The following PTPRT variants were observed in gnomAD, a reference collection of about 807,000 sequenced individuals.
PTPRT encodes the protein receptor-type tyrosine-protein phosphatase T.
In PTPRT, 56 loss-of-function variants were observed where a neutral mutation model predicts 176.8. That is an observed-to-expected ratio of 0.32 (90% CI 0.26 to 0.40). The LOEUF is 0.40. Among genes scored for constraint, PTPRT ranks in the 10% least tolerant of loss-of-function variants. PTPRT has a pLI of 1.00. For synonymous variants in PTPRT, 783 were observed against 739.0 expected (o/e 1.06, Z -0.96); for missense variants, 1,540 against 1,908.2 (o/e 0.81, Z 3.60).
intron 7 of PTPRT, among the ~76,000 whole-genome samples, chr20:42,659,631 G>A (rs868741463): frequency 2.4e-4 from 36 of 152,104 alleles, no homozygotes; most frequent in African/African-American, 7.5e-4. Flanking sequence ...GGGTGGGTGC[G>A]GGGAAAGTCA....
chr20:42,539,457 A>G (rs2072538867), intron 7 of PTPRT, among the ~76,000 whole-genome samples: 1 of 151,812 alleles, frequency 6.6e-6, no homozygotes, highest in African/African-American at 2.4e-5. Context: ...GCTTAAATAA[A>G]TGATCAATTT....
chr20:42,993,889 A>G (rs1021323190), intron 1 of PTPRT, among the ~76,000 whole-genome samples: 19 of 152,206 alleles, frequency 1.2e-4, no homozygotes, highest in African/African-American at 4.1e-4. Flanking sequence ...TATGCGAGTA[A>G]GCCCTGTTGA....
At chr20:42,459,851 C>T (rs2070988364) in intron 8 of PTPRT, among the ~76,000 whole-genome samples, 1 of 149,518 alleles carries the variant, frequency 6.7e-6, no homozygotes, top group Non-Finnish European at 1.5e-5. Flanking sequence ...CCACCACACC[C>T]AGCAATTCAC....
chr20:42,999,810 A>G (rs769310966), intron 1 of PTPRT, among the ~76,000 whole-genome samples: 2 of 152,044 alleles, frequency 1.3e-5, no homozygotes, highest in African/African-American at 2.4e-5. Context: ...CTGACTCTAA[A>G]TAAATAAAAA....
At chr20:43,108,414 T>C (rs1426508155) in intron 1 of PTPRT, among the ~76,000 whole-genome samples, 1 of 152,162 alleles carries the variant, frequency 6.6e-6, no homozygotes, top group Non-Finnish European at 1.5e-5. Context: ...TATCCTTCCA[T>C]ATTCTCATCA....
intron 6 of PTPRT, among the ~76,000 whole-genome samples, chr20:42,689,496 G>A (rs570794689): frequency 6.6e-6 from 1 of 152,208 alleles, no homozygotes; most frequent in African/African-American, 2.4e-5. Context: ...TGGTACAGTG[G>A]GCAACTGAAG....
chr20:42,347,533 A>T (rs1178452317), intron 11 of PTPRT, among the ~76,000 whole-genome samples: 1 of 152,188 alleles, frequency 6.6e-6, no homozygotes, highest in African/African-American at 2.4e-5. Flanking sequence ...AGCCGAGCAC[A>T]CCAGATGCAC....
chr20:42,174,987 A>G (rs1990230562), intron 16 of PTPRT, among the ~76,000 whole-genome samples: 1 of 152,118 alleles, frequency 6.6e-6, no homozygotes, highest in East Asian at 1.9e-4. Context: ...AAGAAGAGAT[A>G]GTCATTTCTC....
intron 2 of PTPRT, among the ~76,000 whole-genome samples, chr20:42,809,733 T>C (rs2077668166): frequency 1.3e-5 from 2 of 152,180 alleles, no homozygotes; most frequent in African/African-American, 4.8e-5. Context: ...ATGCCTCGCA[T>C]TTCAAATCTC....
chr20:43,173,203 G>A (rs1352861255), intron 1 of PTPRT, among the ~76,000 whole-genome samples: 1 of 152,162 alleles, frequency 6.6e-6, no homozygotes, highest in Non-Finnish European at 1.5e-5. Context: ...CATAAGGAAG[G>A]AAGATTCAGC....
chr20:42,498,423 A>G (rs560430233), intron 7 of PTPRT, among the ~76,000 whole-genome samples: 31 of 152,290 alleles, frequency 2.0e-4, no homozygotes, highest in Middle Eastern at 3.4e-3. Flanking sequence ...CTCTGTAGCA[A>G]TAAGACACCA....
intron 1 of PTPRT, among the ~76,000 whole-genome samples, chr20:43,060,224 C>T (rs1987400360): frequency 6.6e-6 from 1 of 152,074 alleles, no homozygotes; most frequent in African/African-American, 2.4e-5. Flanking sequence ...AGTGACTTAT[C>T]AACAACATAA....
intron 22 of PTPRT, among the ~76,000 whole-genome samples, chr20:42,111,154 G>C (rs796733605): frequency 6.6e-6 from 1 of 152,054 alleles, no homozygotes; most frequent in Non-Finnish European, 1.5e-5. Context: ...GACACACTCC[G>C]GGCCCAGTAG....
intron 1 of PTPRT, among the ~76,000 whole-genome samples, chr20:43,023,611 T>G (rs1348598896): frequency 6.6e-6 from 1 of 152,206 alleles, no homozygotes; most frequent in Non-Finnish European, 1.5e-5. Flanking sequence ...CTAATGTTCC[T>G]TAAATATCTG....
At chr20:42,310,501 A>C (rs1408012253) in intron 12 of PTPRT, among the ~76,000 whole-genome samples, 1 of 152,184 alleles carries the variant, frequency 6.6e-6, no homozygotes, top group Non-Finnish European at 1.5e-5. Context: ...ATTTAGCTCT[A>C]TATGGGAAAA....
At chr20:42,727,040 A>G (rs534712460) in intron 6 of PTPRT, among the ~76,000 whole-genome samples, 2 of 152,210 alleles carry the variant, frequency 1.3e-5, no homozygotes, top group East Asian at 3.9e-4. Flanking sequence ...TTGCCTGCCA[A>G]TACTCTGAGG....
In PTPRT at chr20:42,282,626, C is replaced by T. The variant is rs141222510; in HGVS notation, c.2140-101G>A. On this transcript the variant is annotated intron_variant, in intron 12 of 30. Coordinates refer to ENST00000373187, the MANE Select transcript of PTPRT (RefSeq NM_007050.6). ...ATATATATTTGCATATATATTCATG[C>T]ATATGTATTTTTAATTATAATTTTA... The T allele has an allele frequency of 1.9e-3, 1,626 of 857,734 alleles. 22 individuals carry two copies. The African/African-American group carries it at 0.021, about 11-fold the overall frequency. The allele number at this position is 857,734 out of a possible 1,614,324, so 53.1% of individuals were successfully genotyped here. A position where few individuals can be genotyped will look rare whatever the true frequency, so the allele number is the denominator to read the frequency against.
intron 18 of PTPRT, among the ~76,000 whole-genome samples, chr20:42,138,173 C>T (rs1437850202): frequency 6.6e-6 from 1 of 152,210 alleles, no homozygotes; most frequent in Non-Finnish European, 1.5e-5. Flanking sequence ...AACACTAATG[C>T]CACTGCTGTA....
intron 7 of PTPRT, among the ~76,000 whole-genome samples, chr20:42,589,345 A>T (rs1287633450): frequency 2.0e-5 from 3 of 152,196 alleles, no homozygotes; most frequent in African/African-American, 4.8e-5. Flanking sequence ...CTCCATTAGC[A>T]AGAGGTACCT....
Sources: allele counts gnomAD v4.1 joint callset (sites outside exome capture counted in the v4.1 genomes callset), GRCh38; gene constraint gnomAD v4.1.1; transcripts MANE v1.5; gene names NCBI Gene and HGNC (gene_info 2026-07-23, HGNC 2026-07-21).